TRMT10B: variants seen among roughly 807,000 people sequenced by gnomAD.
TRMT10B encodes tRNA methyltransferase 10B.
TRMT10B carries 33 observed loss-of-function variants against 43.8 expected under a neutral mutation model. The observed-to-expected ratio is 0.75, with a 90% confidence interval of 0.57 to 1.01. TRMT10B has a LOEUF of 1.01. Among genes scored for constraint, TRMT10B ranks in the 50% least tolerant of loss-of-function variants. TRMT10B has a pLI of 0.00. For missense variants in TRMT10B, 362 were observed against 369.8 expected (o/e 0.98, Z 0.17); for synonymous variants, 137 against 130.6 (o/e 1.05, Z -0.34).
intron 1 of TRMT10B, among the ~76,000 whole-genome samples, chr9:37,756,134 A>G (rs1461439985): frequency 6.6e-6 from 1 of 152,204 alleles, no homozygotes; most frequent in Non-Finnish European, 1.5e-5. Context: ...TTATTAACTA[A>G]TGAATGGTCA....
chr9:37,756,893 G>A (rs1825784643), intron 1 of TRMT10B, among the ~76,000 whole-genome samples: 2 of 151,792 alleles, frequency 1.3e-5, no homozygotes, highest in African/African-American at 4.8e-5. Flanking sequence ...TACATATACA[G>A]GTGTGAGGTG....
At chr9:37,756,925 C>T (rs1188452326) in intron 1 of TRMT10B, among the ~76,000 whole-genome samples, 1 of 151,526 alleles carries the variant, frequency 6.6e-6, no homozygotes, top group East Asian at 1.9e-4. Context: ...TACCCAGTGA[C>T]TGGGAAGCTG....
rs371287651 is a variant in TRMT10B, at chr9:37,777,747, C to T, written c.*40C>T. ...CAGCTGCGTGGCCAGGTGCTCACGCCGTAATGCCAACACTTTGGTAGACCG... is the reference window on the plus strand; with the variant it reads ...CAGCTGCGTGGCCAGGTGCTCACGCTGTAATGCCAACACTTTGGTAGACCG... On this transcript the variant is annotated 3_prime_UTR_variant, in exon 9 of 9. Coordinates refer to ENST00000297994, the MANE Select transcript of TRMT10B (RefSeq NM_144964.4). 55 of 1,536,146 alleles carry T rather than the reference C, an allele frequency of 3.6e-5. No individual in the cohort carries two copies. Among genetic ancestry groups the T allele is most frequent in the African/African-American group, 6.8e-5 (5 of 73,258 alleles).
intron 6 of TRMT10B, among the ~76,000 whole-genome samples, 161 bp downstream of exon 6, chr9:37,770,180 T>C (rs1827412967): frequency 6.6e-6 from 1 of 152,196 alleles, no homozygotes; most frequent in Non-Finnish European, 1.5e-5. Context: ...GGGGCCTCAC[T>C]GGATGCTTCG....
chr9:37,768,101 T>C lies in TRMT10B; in HGVS notation c.446T>C (p.Ile149Thr). 1.2e-6 allele frequency: 2 copies of C among 1,614,080 alleles called. No homozygotes were observed. Among genetic ancestry groups the C allele is most frequent in the South Asian group, 2.2e-5 (2 of 91,068 alleles). ...GAATTAAGTAGACTGGCTGGACAGATTCGAAGGTTGTATGGTTCAAACAAA... is the reference window on the plus strand; with the variant it reads ...GAATTAAGTAGACTGGCTGGACAGACTCGAAGGTTGTATGGTTCAAACAAA... ...KKELSRLAGQ[I>T]RRLYGSNKKA... Residue 149 changes from isoleucine (I) to threonine (T), a missense_variant, in exon 5 of 9, where the codon ATT (isoleucine) becomes ACT (threonine). Coordinates refer to ENST00000297994, the MANE Select transcript of TRMT10B (RefSeq NM_144964.4).
chr9:37,775,490 TTGA>T (rs746548175), intron 7 of TRMT10B, among the ~76,000 whole-genome samples: 3 of 152,164 alleles, frequency 2.0e-5, no homozygotes, highest in African/African-American at 4.8e-5. Context: ...TGGCCTCAAG[TTGA>T]TGGACTTCTT....
At chr9:37,763,595 C>T (rs758825784) in intron 3 of TRMT10B, 34 bp from the exon 4 acceptor site, 10 of 1,589,450 alleles carry the variant, frequency 6.3e-6, no homozygotes, top group African/African-American at 1.3e-5. Context: ...CTCTGGTTTT[C>T]CACTTTTATT....
intron 8 of TRMT10B, 48 bp from the exon 9 acceptor site, chr9:37,777,553 C>CT (rs769440019): frequency 3.1e-5 from 45 of 1,448,434 alleles, no homozygotes; most frequent in Middle Eastern, 1.7e-4. Flanking sequence ...TTTACTCGTT[C>CT]TTTTTTTCCC....
chr9:37,764,393 C>T (rs1285804960), intron 4 of TRMT10B, among the ~76,000 whole-genome samples: 1 of 143,154 alleles, frequency 7.0e-6, no homozygotes, highest in Non-Finnish European at 1.5e-5. Context: ...GCAATCTTGG[C>T]TCACTGCAAG....
At chr9:37,769,620 T>G (rs1475135272) in intron 5 of TRMT10B, 3 of 190,940 alleles carry the variant, frequency 1.6e-5, no homozygotes, top group East Asian at 1.2e-4. Context: ...TGAGCGGGGT[T>G]TTTTTTTTTT....
intron 7 of TRMT10B, among the ~76,000 whole-genome samples, chr9:37,772,705 C>T (rs1469027275): frequency 6.6e-6 from 1 of 152,258 alleles, no homozygotes; most frequent in Non-Finnish European, 1.5e-5. Flanking sequence ...GAGGTTCGTC[C>T]AGGCACAGTG....
At chr9:37,772,324 A>T (rs1564002429) in intron 7 of TRMT10B, among the ~76,000 whole-genome samples, 2 of 148,520 alleles carry the variant, frequency 1.3e-5, no homozygotes, top group South Asian at 2.1e-4. Flanking sequence ...TAGTTCTTAA[A>T]TTTTTTTTTT....
intron 1 of TRMT10B, 132 bp downstream of exon 1, chr9:37,753,984 C>T (rs1159079543): frequency 6.6e-6 from 1 of 152,358 alleles, no homozygotes; most frequent in Non-Finnish European, 1.5e-5. Context: ...GGTACTCCAC[C>T]TTCCTGATAC....
intron 1 of TRMT10B, among the ~76,000 whole-genome samples, chr9:37,759,313 G>GAT (rs1233962731): frequency 6.6e-6 from 1 of 152,178 alleles, no homozygotes; most frequent in Non-Finnish European, 1.5e-5. Context: ...AGCAACTACT[G>GAT]ATACATGCAG....
chr9:37,763,163 A>C (rs1432486314), intron 3 of TRMT10B, among the ~76,000 whole-genome samples: 6 of 147,404 alleles, frequency 4.1e-5, no homozygotes, highest in African/African-American at 1.5e-4. Context: ...AAAAAAAAAA[A>C]AACAAAAAAA....
intron 1 of TRMT10B, among the ~76,000 whole-genome samples, chr9:37,754,795 G>C (rs554916302): frequency 6.6e-6 from 1 of 152,278 alleles, no homozygotes; most frequent in East Asian, 1.9e-4. Context: ...TGGAGGCTCA[G>C]AAAAGATGTT....
intron 1 of TRMT10B, among the ~76,000 whole-genome samples, chr9:37,755,250 G>A (rs183843198): frequency 2.7e-5 from 4 of 149,796 alleles, no homozygotes; most frequent in Non-Finnish European, 5.9e-5. Flanking sequence ...CAGCCTGGGC[G>A]ACAGAGTAAG....
chr9:37,753,412 C>T (rs923475189), upstream of TRMT10B, among the ~76,000 whole-genome samples: 4 of 152,334 alleles, frequency 2.6e-5, no homozygotes, highest in East Asian at 1.9e-4. Context: ...GCTCCACTCC[C>T]GCTTCCTGTA....
intron 8 of TRMT10B, among the ~76,000 whole-genome samples, chr9:37,777,179 A>G: frequency 8.3e-6 from 1 of 120,312 alleles, no homozygotes. Context: ...GAGCAACAAG[A>G]GTGCAACTCC....
Sources: gnomAD v4.1 joint callset for allele counts (sites outside exome capture counted in the v4.1 genomes callset) on GRCh38, gnomAD v4.1.1 for gene constraint, MANE v1.5 for transcripts, NCBI Gene and HGNC (gene_info 2026-07-23, HGNC 2026-07-21) for gene names.